Variants in DISC1 observed in about 807,000 individuals in gnomAD.
DISC1 encodes DISC1 scaffold protein.
In DISC1, 57 loss-of-function variants were observed where a neutral mutation model predicts 84.5. The ratio of observed to expected loss-of-function variants is 0.67; its 90% CI spans 0.55 to 0.84. The LOEUF (loss-of-function observed/expected upper bound fraction) is 0.84, where lower values mean the gene tolerates loss of function less well. Ranked by LOEUF, DISC1 falls within the 40% of genes least tolerant of loss-of-function variation. The pLI is 0.00. For missense variants in DISC1, 1,000 were observed against 1,057.8 expected (o/e 0.95, Z 0.76); for synonymous variants, 411 against 415.2 (o/e 0.99, Z 0.12).
chr1:231,749,972 C>A lies in DISC1; in HGVS notation c.1164C>A (p.Ile388=), dbSNP rs780966020. The A allele has an allele frequency of 5.5e-5, 88 of 1,614,106 alleles. No homozygotes were observed. The highest frequency in any genetic ancestry group is 7.3e-5 in the Non-Finnish European group (86 of 1,180,054). Residue 388 remains isoleucine (I), a synonymous_variant, in exon 4 of 13, where the codon ATC becomes ATA. Coordinates refer to ENST00000439617, the MANE Select transcript of DISC1 (RefSeq NM_018662.3). The stretch of plus-strand genomic sequence containing the variant: ...TAGAAGACCTGGAACAAGAGAAAAT[C>A]AGCCTGCACTTTCAACTTCCTTCAA... The part of the protein sequence containing the change: ...QRLEDLEQEK[I]SLHFQLPSRQ...
chr1:231,727,885 G>A (rs1161724758), intron 3 of DISC1, among the ~76,000 whole-genome samples: 3 of 151,690 alleles, frequency 2.0e-5, no homozygotes, highest in Admixed American at 6.6e-5. Flanking sequence ...CCAGGAGTTC[G>A]GGGCTGCAGT....
chr1:232,011,151 C>T (rs888805702), intron 11 of DISC1, among the ~76,000 whole-genome samples: 3 of 152,138 alleles, frequency 2.0e-5, no homozygotes, highest in Admixed American at 6.6e-5. Context: ...TAGGAGGATT[C>T]GTTTTCCTGC....
intron 9 of DISC1, among the ~76,000 whole-genome samples, chr1:231,851,881 G>A (rs1212541315): frequency 6.6e-6 from 1 of 152,116 alleles, no homozygotes; most frequent in Non-Finnish European, 1.5e-5. Flanking sequence ...TCTTTGGAAA[G>A]GAGGGAGCAA....
intron 3 of DISC1, among the ~76,000 whole-genome samples, chr1:231,717,673 C>T (rs2068948366): frequency 6.6e-6 from 1 of 152,104 alleles, no homozygotes; most frequent in Non-Finnish European, 1.5e-5. Flanking sequence ...CTTCTCACTG[C>T]CAAAAGTCTC....
chr1:231,955,012 G>A (rs199574026), intron 9 of DISC1, among the ~76,000 whole-genome samples: 1 of 152,190 alleles, frequency 6.6e-6, no homozygotes, highest in East Asian at 1.9e-4. Context: ...TGGTGCTTCA[G>A]ACACTGAGAT....
chr1:231,912,653 G>T (rs1002753345), intron 9 of DISC1, among the ~76,000 whole-genome samples: 1 of 152,192 alleles, frequency 6.6e-6, no homozygotes, highest in African/African-American at 2.4e-5. Context: ...GAGGCAGTCT[G>T]TCTGTTCTCA....
At chr1:231,791,114 G>A (rs918786317) in intron 6 of DISC1, among the ~76,000 whole-genome samples, 7 of 152,208 alleles carry the variant, frequency 4.6e-5, no homozygotes, top group African/African-American at 1.7e-4. Flanking sequence ...GGTTTCATTT[G>A]TTGAGGGTGA....
chr1:232,029,553 T>TCAACAATA (rs1343076584), intron 12 of DISC1, among the ~76,000 whole-genome samples: 1 of 152,216 alleles, frequency 6.6e-6, no homozygotes, highest in Admixed American at 6.5e-5. Flanking sequence ...CAGCTTGTTG[T>TCAACAATA]CAACAATACA....
rs1050667297 is a variant in DISC1, at chr1:232,039,521, C to T, written c.*2690C>T. 6.6e-6 allele frequency: 1 copy of T among 152,000 alleles called. No homozygotes were observed. Among genetic ancestry groups the T allele is most frequent in the African/African-American group, 2.4e-5 (1 of 41,368 alleles). The allele number at this position is 152,000 out of a possible 1,614,324, so 9.4% of individuals were successfully genotyped here. A position where few individuals can be genotyped will look rare whatever the true frequency, so the allele number is the denominator to read the frequency against. Reference sequence around the variant, plus strand: ...GGTGAGTCATGTTTTAACCACAAGCCATAACTCATCTGTTGTCTTTGCTTG... The same window carrying T: ...GGTGAGTCATGTTTTAACCACAAGCTATAACTCATCTGTTGTCTTTGCTTG... On this transcript the variant is annotated 3_prime_UTR_variant, in exon 13 of 13. Coordinates refer to ENST00000439617, the MANE Select transcript of DISC1 (RefSeq NM_018662.3).
intron 3 of DISC1, among the ~76,000 whole-genome samples, chr1:231,741,183 T>C (rs1294391769): frequency 1.3e-5 from 2 of 152,126 alleles, no homozygotes; most frequent in Non-Finnish European, 2.9e-5. Context: ...ATGGAGAAGA[T>C]GTGAATATGT....
At chr1:231,659,923 T>G (rs895197900) in intron 1 of DISC1, among the ~76,000 whole-genome samples, 1 of 152,224 alleles carries the variant, frequency 6.6e-6, no homozygotes, top group Non-Finnish European at 1.5e-5. Context: ...AAGTGCCATA[T>G]GTCAATGAGG....
chr1:231,842,688 A>T (rs951488153), intron 9 of DISC1, among the ~76,000 whole-genome samples: 4 of 152,156 alleles, frequency 2.6e-5, no homozygotes, highest in Non-Finnish European at 5.9e-5. Flanking sequence ...CTTGTGCCAC[A>T]TCAGAGGGAC....
intron 9 of DISC1, among the ~76,000 whole-genome samples, chr1:231,930,534 G>C (rs1193486922): frequency 6.6e-6 from 1 of 152,158 alleles, no homozygotes. Flanking sequence ...CTCCTGCCTG[G>C]AAGTGACAGT....
At chr1:231,975,189 T>C (rs1662620713) in intron 10 of DISC1, among the ~76,000 whole-genome samples, 1 of 151,882 alleles carries the variant, frequency 6.6e-6, no homozygotes, top group Non-Finnish European at 1.5e-5. Context: ...AAAGAAGACA[T>C]ACACATGGAC....
chr1:231,818,582 C>G (rs1310216523), intron 9 of DISC1, 65 bp downstream of exon 9: 3 of 1,603,128 alleles, frequency 1.9e-6, no homozygotes, highest in African/African-American at 1.3e-5. Context: ...TGTGGCCAGG[C>G]AGAATGTTCT....
intron 10 of DISC1, among the ~76,000 whole-genome samples, chr1:231,990,554 G>T (rs1014948786): frequency 1.3e-5 from 2 of 152,152 alleles, no homozygotes; most frequent in African/African-American, 2.4e-5. Flanking sequence ...GTGTACTTGG[G>T]GTGACAGTCT....
intron 9 of DISC1, among the ~76,000 whole-genome samples, chr1:231,914,856 G>A (rs2089497320): frequency 6.6e-6 from 1 of 152,198 alleles, no homozygotes; most frequent in Non-Finnish European, 1.5e-5. Flanking sequence ...TACTTTTGGT[G>A]GAGAGCAAAT....
chr1:231,963,824 T>G (rs1660726490), intron 10 of DISC1, among the ~76,000 whole-genome samples: 1 of 152,054 alleles, frequency 6.6e-6, no homozygotes. Flanking sequence ...CTCACAACTT[T>G]AAGGGGGTCT....
chr1:231,776,385 T>C (rs187517970), intron 6 of DISC1, among the ~76,000 whole-genome samples: 17 of 152,326 alleles, frequency 1.1e-4, no homozygotes, highest in African/African-American at 3.8e-4. Flanking sequence ...TTGTCGCTTG[T>C]TGTGCATTTG....
Sources: gnomAD v4.1 joint callset for allele counts (sites outside exome capture counted in the v4.1 genomes callset) on GRCh38, gnomAD v4.1.1 for gene constraint, MANE v1.5 for transcripts, NCBI Gene and HGNC (gene_info 2026-07-23, HGNC 2026-07-21) for gene names.